RAPGEF5: variants seen among roughly 807,000 people sequenced by gnomAD.
The protein encoded by RAPGEF5 is M-Ras-regulated GEF.
RAPGEF5 carries 65 observed loss-of-function variants against 125.2 expected under a neutral mutation model. The observed-to-expected ratio is 0.52, with a 90% CI of 0.43 to 0.64. RAPGEF5 has a LOEUF of 0.64. RAPGEF5 is among the 30% of genes least tolerant of loss of function. The pLI is 0.00. For synonymous variants in RAPGEF5, 391 were observed against 385.9 expected, an observed-to-expected ratio of 1.01 and a Z score of -0.16; for missense variants, 958 against 1,048.1, an observed-to-expected ratio of 0.91 and a Z score of 1.19.
At chr7:22,260,160 T>C (rs1260372931) in intron 7 of RAPGEF5, among the ~76,000 whole-genome samples, 2 of 152,120 alleles carry the variant, frequency 1.3e-5, no homozygotes, top group Non-Finnish European at 2.9e-5. Context: ...GCACACAGGA[T>C]TTTTTAGGGC....
intron 9 of RAPGEF5, 63 bp from the exon 10 acceptor site, chr7:22,194,096 G>C: frequency 2.1e-6 from 3 of 1,398,044 alleles, no homozygotes; most frequent in Non-Finnish European, 2.0e-6. Context: ...TTAAAAGTGG[G>C]GGGAAAATGG....
At chr7:22,336,157 T>A (rs1335621379) in intron 1 of RAPGEF5, among the ~76,000 whole-genome samples, 1 of 152,074 alleles carries the variant, frequency 6.6e-6, no homozygotes. Context: ...CCTTAACCTC[T>A]CCTTTCCCCA....
intron 24 of RAPGEF5, among the ~76,000 whole-genome samples, chr7:22,130,504 T>G (rs1349477812): frequency 1.3e-5 from 2 of 152,166 alleles, no homozygotes; most frequent in Non-Finnish European, 2.9e-5. Context: ...GCACCCTTTG[T>G]CCATAGGCTG....
chr7:22,145,034 AG>A lies in RAPGEF5; in HGVS notation c.2186+9del, dbSNP rs753381819. The stretch of plus-strand genomic sequence containing the variant: ...CTAGAGGAATGGCACTTCTCACACT[AG>A]AAACTTACTGAGCCGCAATTTTGAT... On this transcript the variant is annotated intron_variant, in intron 20 of 25. Coordinates refer to ENST00000665637, the MANE Select transcript of RAPGEF5 (RefSeq NM_012294.5). The A allele has an allele frequency of 6.2e-7, 1 of 1,611,712 alleles. No homozygotes were observed. The highest frequency in any genetic ancestry group is 2.2e-5 in the East Asian group (1 of 44,810).
intron 6 of RAPGEF5, among the ~76,000 whole-genome samples, chr7:22,283,069 A>ACGCG (rs1554273039): frequency 6.6e-6 from 1 of 151,662 alleles, no homozygotes; most frequent in African/African-American, 2.4e-5. Flanking sequence ...ACACACACAC[A>ACGCG]CGCATGAAAA....
At chr7:22,269,944 C>A (rs146240376) in intron 6 of RAPGEF5, among the ~76,000 whole-genome samples, 106 of 152,276 alleles carry the variant, frequency 7.0e-4, no homozygotes, top group African/African-American at 2.5e-3. Context: ...GGACACAAAC[C>A]TTCTGAAAGG....
At chr7:22,334,457 G>C (rs1389668338) in intron 1 of RAPGEF5, among the ~76,000 whole-genome samples, 1 of 152,138 alleles carries the variant, frequency 6.6e-6, no homozygotes, top group African/African-American at 2.4e-5. Flanking sequence ...GTTTCCGAGA[G>C]AACCATGAAG....
At position 22,119,689 on chromosome 7, in the gene RAPGEF5, T is replaced by C. The variant is rs1156499857; in HGVS notation, c.*2717A>G. On this transcript the variant is annotated 3_prime_UTR_variant, in exon 26 of 26. Transcript: ENST00000665637. This position sits in a 1 kb window ranked among gnomAD's most constrained non-coding sequence, Gnocchi z 4.1. ...CACTTAGAAGTGCCCCTGCACCACC[T>C]GGTGCCGAAGGTGCCAGATTACGTA... The C allele has an allele frequency of 6.6e-6, 1 of 152,214 alleles. No homozygotes were observed. Among genetic ancestry groups the C allele is most frequent in the Non-Finnish European group, 1.5e-5 (1 of 68,040 alleles). 9.4% of individuals were successfully genotyped at this position (152,214 alleles called of 1,614,324 possible). A position where few individuals can be genotyped will look rare whatever the true frequency, so the allele number is the denominator to read the frequency against.
At chr7:22,355,808 C>T (rs1414375570) in intron 1 of RAPGEF5, among the ~76,000 whole-genome samples, 1 of 152,196 alleles carries the variant, frequency 6.6e-6, no homozygotes, top group Non-Finnish European at 1.5e-5. Context: ...CTCAAGTTTA[C>T]ACAAACCCAT....
chr7:22,183,217 C>T (rs551778295), intron 11 of RAPGEF5, among the ~76,000 whole-genome samples: 2 of 124,580 alleles, frequency 1.6e-5, no homozygotes, highest in South Asian at 2.6e-4. Flanking sequence ...TGCAGTGAGT[C>T]GAGATGGTGC....
chr7:22,204,590 T>C (rs1478265111), intron 9 of RAPGEF5, among the ~76,000 whole-genome samples: 1 of 152,236 alleles, frequency 6.6e-6, no homozygotes, highest in Non-Finnish European at 1.5e-5. Context: ...TCACATGGAA[T>C]GAGAGTGAGG....
At position 22,338,058 on chromosome 7, in the gene RAPGEF5, A is replaced by T. The variant is rs117041088; in HGVS notation, c.231+18772T>A. Among the ~76,000 whole-genome samples, 1,264 of 152,322 alleles carry T rather than the reference A, an allele frequency of 8.3e-3. 9 individuals are homozygous for T. Among genetic ancestry groups the T allele is most frequent in the Non-Finnish European group, 0.012 (847 of 68,024 alleles). ...ACTGTCAGTAGCATAATTGCTCAGT[A>T]AAAGTATTTTTAGCAAGTCTTCATT... On this transcript the variant is annotated intron_variant, in intron 1 of 25. Transcript: ENST00000665637.
chr7:22,231,456 T>C (rs1411312969), intron 7 of RAPGEF5, among the ~76,000 whole-genome samples: 1 of 152,156 alleles, frequency 6.6e-6, no homozygotes. Context: ...ATGGGTACAA[T>C]GACCTCTTAC....
chr7:22,274,936 G>A (rs145111130), intron 6 of RAPGEF5, among the ~76,000 whole-genome samples: 234 of 152,216 alleles, frequency 1.5e-3, no homozygotes, highest in African/African-American at 4.9e-3. Context: ...CATATATAGC[G>A]TTCTTCTGGT....
At chr7:22,220,260 G>A in intron 8 of RAPGEF5, 1 of 312,240 alleles carries the variant, frequency 3.2e-6, no homozygotes, top group South Asian at 8.0e-5. Flanking sequence ...TACTAAGTGT[G>A]CGCCTGATAG....
chr7:22,207,611 A>G (rs1459581375), intron 9 of RAPGEF5, among the ~76,000 whole-genome samples: 1 of 152,232 alleles, frequency 6.6e-6, no homozygotes, highest in Non-Finnish European at 1.5e-5. Flanking sequence ...TTTAACAGAA[A>G]TGTGCTATAA....
chr7:22,157,745 C>A, intron 15 of RAPGEF5, 110 bp downstream of exon 15: 1 of 1,241,044 alleles, frequency 8.1e-7, no homozygotes, highest in South Asian at 1.3e-5. Context: ...CCCGCCTTGT[C>A]GTGTTCTGCT....
At chr7:22,327,589 A>C (rs532851619) in intron 1 of RAPGEF5, among the ~76,000 whole-genome samples, 2 of 152,330 alleles carry the variant, frequency 1.3e-5, no homozygotes, top group South Asian at 4.1e-4. Context: ...ATCACTGGTA[A>C]GAGTGGAGCT....
At chr7:22,356,121 A>C (rs1321168424) in intron 1 of RAPGEF5, 1 of 985,254 alleles carries the variant, frequency 1.0e-6, no homozygotes, top group East Asian at 1.1e-4. Context: ...TAAAAATACA[A>C]AACATGCCTG....
Sources: allele counts gnomAD v4.1 joint callset (sites outside exome capture counted in the v4.1 genomes callset), GRCh38; gene constraint gnomAD v4.1.1; non-coding constraint Gnocchi (gnomAD v3.1); transcripts MANE v1.5; gene names NCBI Gene and HGNC (gene_info 2026-07-23, HGNC 2026-07-21).